The following AK1 variants were observed in gnomAD, a reference collection of about 807,000 sequenced individuals.
The protein encoded by AK1 is adenylate kinase isoenzyme 1.
A neutral mutation model predicts 23.9 loss-of-function variants in AK1; 13 were observed. That is an observed-to-expected ratio of 0.54 (90% CI 0.35 to 0.86). The LOEUF (loss-of-function observed/expected upper bound fraction) is 0.86, where lower values mean the gene tolerates loss of function less well. Among genes scored for constraint, AK1 ranks in the 40% least tolerant of loss-of-function variants. The pLI is 0.01. For synonymous variants in AK1, 97 were observed against 102.8 expected (o/e 0.94, Z 0.34); for missense variants, 214 against 255.1 (o/e 0.84, Z 1.10).
In AK1 at chr9:127,867,867, C is replaced by T; in HGVS notation, c.*141G>A. The T allele has an allele frequency of 1.3e-6, 1 of 783,042 alleles. No individual in the cohort carries two copies. Among genetic ancestry groups the T allele is most frequent in the Non-Finnish European group, 2.2e-6 (1 of 452,460 alleles). 48.5% of individuals were successfully genotyped at this position (783,042 alleles called of 1,614,324 possible). A position where few individuals can be genotyped will look rare whatever the true frequency, so the allele number is the denominator to read the frequency against. On this transcript the variant is annotated 3_prime_UTR_variant, in exon 7 of 7. Coordinates refer to ENST00000644144, the MANE Select transcript of AK1 (RefSeq NM_000476.3). ...CCTTAGAAATTCCTTTAGTGCTCAG[C>T]TGTCCATGAAAACAGGATAAGCGGC...
In AK1 at chr9:127,868,603, A is replaced by T; in HGVS notation, c.325-91T>A. 2.2e-6 allele frequency: 3 copies of T among 1,394,908 alleles called. No homozygotes were observed. Among genetic ancestry groups the T allele is most frequent in the Non-Finnish European group, 2.0e-6 (2 of 1,016,494 alleles). The allele number at this position is 1,394,908 out of a possible 1,614,324, so 86.4% of individuals were successfully genotyped here. On this transcript the variant is annotated intron_variant, in intron 5 of 6. Coordinates refer to ENST00000644144, the MANE Select transcript of AK1 (RefSeq NM_000476.3). This position sits in a 1 kb window ranked among gnomAD's most constrained non-coding sequence, Gnocchi z 4.1. ...TCCCATCTATGAAGCCCCAGTAGAT[A>T]CCCCCTCAGACCTTCAATCCCTTCC...
chr9:127,869,012 C>A (rs924161157), intron 5 of AK1, among the ~76,000 whole-genome samples: 6 of 152,316 alleles, frequency 3.9e-5, no homozygotes, highest in Admixed American at 3.3e-4. Flanking sequence ...CTCCCAAGGG[C>A]CCCTGAGGGC....
Position 127,871,729 on chromosome 9 carries a change from G to T in AK1, c.324+94C>A. On this transcript the variant is annotated intron_variant, in intron 5 of 6. Coordinates refer to ENST00000644144, the MANE Select transcript of AK1 (RefSeq NM_000476.3). This position sits in a 1 kb window ranked among gnomAD's most constrained non-coding sequence, Gnocchi z 4.4. ...TGAATCAGCCTCTGCTCAGAACTCT[G>T]ACCTGCATCACAGCCCCCGCAGGCC... The T allele has an allele frequency of 2.0e-6, 2 of 995,152 alleles. No individual in the cohort carries two copies. Among genetic ancestry groups the T allele is most frequent in the Non-Finnish European group, 3.2e-6 (2 of 622,884 alleles). 61.6% of individuals were successfully genotyped at this position (995,152 alleles called of 1,614,324 possible). A position where few individuals can be genotyped will look rare whatever the true frequency, so the allele number is the denominator to read the frequency against.
In AK1 at chr9:127,867,919, G is replaced by A; in HGVS notation, c.*89C>T. The A allele has an allele frequency of 7.8e-7, 1 of 1,282,058 alleles. No individual in the cohort carries two copies. Among genetic ancestry groups the A allele is most frequent in the Non-Finnish European group, 1.1e-6 (1 of 877,996 alleles). The allele number at this position is 1,282,058 out of a possible 1,614,324, so 79.4% of individuals were successfully genotyped here. Reference sequence around the variant, plus strand: ...TCCTCCGTCTGTGCTCAGCAGGGCAGGGTGGAGGCGCTGCGCTCAGGCCAG... The same window carrying A: ...TCCTCCGTCTGTGCTCAGCAGGGCAAGGTGGAGGCGCTGCGCTCAGGCCAG... On this transcript the variant is annotated 3_prime_UTR_variant, in exon 7 of 7. Coordinates refer to ENST00000644144, the MANE Select transcript of AK1 (RefSeq NM_000476.3).
chr9:127,867,968 TGG>T lies in AK1; in HGVS notation c.*38_*39del. 1 of 1,603,228 alleles carries T rather than the reference TGG, an allele frequency of 6.2e-7. No homozygotes were observed. The highest frequency in any genetic ancestry group is 8.5e-7 in the Non-Finnish European group (1 of 1,170,494). ...AGGAGGACCTCGAATCAGGACGGGG[TGG>T]GGCGGGGCTCTGAGCTGGGGAAGCG... On this transcript the variant is annotated 3_prime_UTR_variant, in exon 7 of 7. Transcript: ENST00000644144.
chr9:127,872,609 G>A (rs1564473222), intron 4 of AK1, 81 bp downstream of exon 4: 1 of 1,582,948 alleles, frequency 6.3e-7, no homozygotes. Flanking sequence ...TTGCCTGTGT[G>A]CCGTGGGCTT....
intron 5 of AK1, among the ~76,000 whole-genome samples, chr9:127,870,662 T>C (rs1006186958): frequency 6.6e-6 from 1 of 152,062 alleles, no homozygotes; most frequent in African/African-American, 2.4e-5. Flanking sequence ...CCATTTCAGA[T>C]AGGGAAGGTG....
In AK1 at chr9:127,868,581, C is replaced by T; in HGVS notation, c.325-69G>A. 6.6e-7 allele frequency: 1 copy of T among 1,519,988 alleles called. No homozygotes were observed. Among genetic ancestry groups the T allele is most frequent in the Non-Finnish European group, 8.9e-7 (1 of 1,124,622 alleles). 94.2% of individuals were successfully genotyped at this position (1,519,988 alleles called of 1,614,324 possible). A position where few individuals can be genotyped will look rare whatever the true frequency, so the allele number is the denominator to read the frequency against. On this transcript the variant is annotated intron_variant, in intron 5 of 6. Coordinates refer to ENST00000644144, the MANE Select transcript of AK1 (RefSeq NM_000476.3). This position sits in a 1 kb window ranked among gnomAD's most constrained non-coding sequence, Gnocchi z 4.1. ...TAGGGCCATCTCCTCCCCATCTTCC[C>T]ATCTATGAAGCCCCAGTAGATACCC...
upstream of AK1, chr9:127,878,345 G>C (rs1829584600): frequency 6.6e-6 from 1 of 152,284 alleles, no homozygotes; most frequent in Non-Finnish European, 1.5e-5. Context: ...GAGGGGATTT[G>C]CGGTCTTGAT....
In AK1 at chr9:127,868,705, C is replaced by G. The variant is rs1829310199; in HGVS notation, c.325-193G>C. ...TGCTCAAACCTACACCATGGCTCCC[C>G]AGTGCCCTCAGGAGAAAGTCCACAC... On this transcript the variant is annotated intron_variant, in intron 5 of 6. Coordinates refer to ENST00000644144, the MANE Select transcript of AK1 (RefSeq NM_000476.3). The surrounding 1 kb of genome is among the most constrained non-coding windows in gnomAD (Gnocchi z 4.1). 6.6e-6 allele frequency among the ~76,000 whole-genome samples: 1 copy of G among 152,166 alleles called. No homozygotes were observed. The highest frequency in any genetic ancestry group is 6.5e-5 in the Admixed American group (1 of 15,280).
chr9:127,879,052 G>T (rs1045801669), upstream of AK1, among the ~76,000 whole-genome samples: 1 of 133,784 alleles, frequency 7.5e-6, no homozygotes, highest in African/African-American at 2.9e-5. Context: ...ACGAGATCCC[G>T]TCTCTAAAAA....
In AK1 at chr9:127,867,986, T is replaced by C; in HGVS notation, c.*22A>G. 6.2e-7 allele frequency: 1 copy of C among 1,613,350 alleles called. No homozygotes were observed. The highest frequency in any genetic ancestry group is 8.5e-7 in the Non-Finnish European group (1 of 1,179,334). ...GACGGGGTGGGGCGGGGCTCTGAGC[T>C]GGGGAAGCGGCTCCAGCGTTGCTAC... is the stretch of plus-strand genomic sequence containing the variant. On this transcript the variant is annotated 3_prime_UTR_variant, in exon 7 of 7. Coordinates refer to ENST00000644144, the MANE Select transcript of AK1 (RefSeq NM_000476.3).
In AK1 at chr9:127,868,518, G is replaced by T; in HGVS notation, c.325-6C>A. 6.4e-7 allele frequency: 1 copy of T among 1,573,492 alleles called. No individual in the cohort carries two copies. Among genetic ancestry groups the T allele is most frequent in the South Asian group, 1.2e-5 (1 of 86,228 alleles). ...AGCAGTGTGGGCTGTCCAATCTGCAGGCGGGCACCATGTCACAGGGACCCC... is the reference window on the plus strand; with the variant it reads ...AGCAGTGTGGGCTGTCCAATCTGCATGCGGGCACCATGTCACAGGGACCCC... On this transcript the variant is annotated splice_polypyrimidine_tract_variant and splice_region_variant and intron_variant, in intron 5 of 6. Transcript: ENST00000644144. This position sits in a 1 kb window ranked among gnomAD's most constrained non-coding sequence, Gnocchi z 4.1.
At chr9:127,876,389 G>A (rs1297475280) in intron 1 of AK1, among the ~76,000 whole-genome samples, 5 of 152,222 alleles carry the variant, frequency 3.3e-5, no homozygotes, top group Non-Finnish European at 5.9e-5. Context: ...ACTGAGGCAT[G>A]GGGAGGAGGA....
intron 1 of AK1, among the ~76,000 whole-genome samples, chr9:127,876,667 GC>G (rs1014459590): frequency 8.5e-5 from 4 of 47,202 alleles, no homozygotes; most frequent in African/African-American, 2.2e-4. Flanking sequence ...GCCCTGCCCC[GC>G]CCCCCTCCTG....
In AK1 at chr9:127,872,857, C is replaced by G; in HGVS notation, c.44-4G>C. On this transcript the variant is annotated splice_polypyrimidine_tract_variant and splice_region_variant and intron_variant, in intron 3 of 6. Coordinates refer to ENST00000644144, the MANE Select transcript of AK1 (RefSeq NM_000476.3). ...CCCTTCCCTGAGCCAGGCCCACCTG[C>G]AAACGCCCACCCATTCATAAACCCC... The G allele has an allele frequency of 6.2e-7, 1 of 1,614,002 alleles. No homozygotes were observed. The highest frequency in any genetic ancestry group is 8.5e-7 in the Non-Finnish European group (1 of 1,179,970).
Position 127,870,068 on chromosome 9 carries a change from G to A in AK1, c.325-1556C>T, listed in dbSNP as rs117753413. ...GGCTGACCCTCCCTCCTTCGGTGAA[G>A]CCCTGGCGCCCCCTGGTGTCCAGAG... On this transcript the variant is annotated intron_variant, in intron 5 of 6. Coordinates refer to ENST00000644144, the MANE Select transcript of AK1 (RefSeq NM_000476.3). Among the ~76,000 whole-genome samples the A allele has an allele frequency of 3.9e-3, 599 of 152,312 alleles. 16 individuals are homozygous for A. In the East Asian group the frequency reaches 0.08, roughly 20 times the overall value.
upstream of AK1, chr9:127,879,551 A>C (rs1829603299): frequency 7.0e-6 from 1 of 143,610 alleles, no homozygotes; most frequent in Non-Finnish European, 1.5e-5. Context: ...TGAACCCAGG[A>C]GGCAGAGGTT....
rs200079882 is a variant in AK1, at chr9:127,868,339, T to C, written c.498A>G (p.Lys166=). The change falls in exon 6 of 7, where the codon AAA becomes AAG. Residue 166 remains lysine, a synonymous_variant. Coordinates refer to ENST00000644144, the MANE Select transcript of AK1 (RefSeq NM_000476.3). This position sits in a 1 kb window ranked among gnomAD's most constrained non-coding sequence, Gnocchi z 4.1. ...GGCCCACCTTGCGCACAATGCCACG[T>C]TTCTCATAGAAGGCGATGACAGGTT... ...ATEPVIAFYE[K]RGIVRKVNAE... is the part of the protein sequence containing the mutation. 3 of 1,599,940 alleles carry C rather than the reference T, an allele frequency of 1.9e-6. No homozygotes were observed. In the East Asian group the frequency reaches 6.7e-5, roughly 36 times the overall value.
Sources: gnomAD v4.1 joint callset for allele counts (sites outside exome capture counted in the v4.1 genomes callset) on GRCh38, gnomAD v4.1.1 for gene constraint, Gnocchi (gnomAD v3.1) non-coding constraint, MANE v1.5 for transcripts, NCBI Gene and HGNC (gene_info 2026-07-23, HGNC 2026-07-21) for gene names.